The following FRAS1 variants were observed in gnomAD, a reference collection of about 807,000 sequenced individuals.
The protein encoded by FRAS1 is extracellular matrix organizing protein FRAS1.
FRAS1 carries 290 observed loss-of-function variants against 435.2 expected under a neutral mutation model. That is an observed-to-expected ratio of 0.67 (90% CI 0.61 to 0.73). FRAS1 has a LOEUF of 0.73. Among genes scored for constraint, FRAS1 ranks in the 30% least tolerant of loss-of-function variants. The pLI, the probability that FRAS1 is intolerant of heterozygous loss-of-function variation, is 0.00. For missense variants in FRAS1, 4,860 were observed against 5,001.5 expected, an observed-to-expected ratio of 0.97 and a Z score of 0.85; for synonymous variants, 1,800 against 1,851.0, an observed-to-expected ratio of 0.97 and a Z score of 0.71.
chr4:78,063,164 A>G (rs1192977664), intron 1 of FRAS1, among the ~76,000 whole-genome samples: 6 of 152,178 alleles, frequency 3.9e-5, no homozygotes, highest in Non-Finnish European at 5.9e-5. Flanking sequence ...TGTTTTCCAT[A>G]TTATGTGAAC....
chr4:78,101,523 G>A (rs9307335), intron 2 of FRAS1, among the ~76,000 whole-genome samples: 32,977 of 151,798 alleles, frequency 0.22, 3,939 homozygotes, highest in Admixed American at 0.29. Flanking sequence ...AAGTGAGAGT[G>A]TATTTTTTTT....
intron 2 of FRAS1, among the ~76,000 whole-genome samples, chr4:78,184,670 C>T (rs1217940431): frequency 1.3e-5 from 2 of 152,164 alleles, no homozygotes; most frequent in Non-Finnish European, 1.5e-5. Flanking sequence ...ACAGGGAAGT[C>T]AGGAAGGGAT....
At chr4:78,179,798 G>A (rs1311354969) in intron 2 of FRAS1, among the ~76,000 whole-genome samples, 3 of 152,152 alleles carry the variant, frequency 2.0e-5, no homozygotes, top group Admixed American at 1.3e-4. Context: ...ACTGACATAG[G>A]AGCTACCCAG....
Position 78,541,013 on chromosome 4 carries a change from C to G in FRAS1, c.11928C>G (p.Val3976=), listed in dbSNP as rs944916980. The change falls in exon 74 of 74, where the codon GTC becomes GTG. Residue 3976 remains valine, a synonymous_variant. Coordinates refer to ENST00000512123, the MANE Select transcript of FRAS1 (RefSeq NM_025074.7). ...GACACTACTGCACTGTGCGGAACGT[C>G]AACATCCTGAGTGAGCCTGAGGCGG... ...VNRHYCTVRN[V]NILSEPEAAY... is the part of the protein sequence containing the mutation. 1 of 1,546,236 alleles carries G rather than the reference C, an allele frequency of 6.5e-7. No individual in the cohort carries two copies. Among genetic ancestry groups the G allele is most frequent in the South Asian group, 1.2e-5 (1 of 80,138 alleles).
At chr4:78,385,242 A>G (rs1732176083) in intron 28 of FRAS1, among the ~76,000 whole-genome samples, 1 of 152,238 alleles carries the variant, frequency 6.6e-6, no homozygotes. Flanking sequence ...GAATAGGGAA[A>G]TAGGTATATT....
chr4:78,508,649 G>C, intron 62 of FRAS1, 82 bp from the exon 63 acceptor site: 1 of 1,393,576 alleles, frequency 7.2e-7, no homozygotes, highest in South Asian at 1.3e-5. Flanking sequence ...AAGAGATCTT[G>C]TGGATCTCTA....
At chr4:78,531,637 C>G (rs1466747967) in intron 70 of FRAS1, among the ~76,000 whole-genome samples, 2 of 152,146 alleles carry the variant, frequency 1.3e-5, no homozygotes, top group African/African-American at 4.8e-5. Context: ...CTGTTGTCAC[C>G]TTCACCTGGT....
At chr4:78,295,244 A>G (rs1214646603) in intron 14 of FRAS1, among the ~76,000 whole-genome samples, 1 of 152,172 alleles carries the variant, frequency 6.6e-6, no homozygotes, top group Non-Finnish European at 1.5e-5. Context: ...ATATTTTTGA[A>G]TCAATTTTTA....
Position 78,472,305 on chromosome 4 carries a change from C to A in FRAS1, c.7497C>A (p.Gly2499=), listed in dbSNP as rs762228630. 6.2e-7 allele frequency: 1 copy of A among 1,608,490 alleles called. No homozygotes were observed. The highest frequency in any genetic ancestry group is 8.5e-7 in the Non-Finnish European group (1 of 1,176,302). Reference sequence around the variant, plus strand: ...TTGTGGAGAACAAGCTGCAGCCTGGCAGAGCTGCTGCCACTTTCACCCAGG... The same window carrying A: ...TTGTGGAGAACAAGCTGCAGCCTGGAAGAGCTGCTGCCACTTTCACCCAGG... ...HGFVENKLQP[G]RAAATFTQED... is the part of the protein sequence containing the mutation. Residue 2499 remains glycine (G), a synonymous_variant, in exon 52 of 74, where the codon GGC becomes GGA. Coordinates refer to ENST00000512123, the MANE Select transcript of FRAS1 (RefSeq NM_025074.7).
chr4:78,110,155 C>G (rs1343754854), intron 2 of FRAS1, among the ~76,000 whole-genome samples: 3 of 19,470 alleles, frequency 1.5e-4, no homozygotes. Flanking sequence ...GAATCAATAT[C>G]GTGAAAATGG....
Position 78,473,547 on chromosome 4 carries a change from C to T in FRAS1, c.7632C>T (p.Ser2544=), listed in dbSNP as rs886043689. The change falls in exon 53 of 74, where the codon AGC becomes AGT. Residue 2544 remains serine, a synonymous_variant. Coordinates refer to ENST00000512123, the MANE Select transcript of FRAS1 (RefSeq NM_025074.7). ...LVKDSKPNVV[S]DNVFHIQWSL... is the part of the protein sequence containing the mutation. ...AAGACAGTAAACCCAATGTGGTCAG[C>T]GACAATGTCTTCCATATCCAGTGGT... The T allele has an allele frequency of 7.4e-6, 12 of 1,611,740 alleles. No homozygotes were observed. Among genetic ancestry groups the T allele is most frequent in the South Asian group, 2.2e-5 (2 of 90,680 alleles).
chr4:78,113,139 C>T (rs1342103250), intron 2 of FRAS1, among the ~76,000 whole-genome samples: 1 of 152,132 alleles, frequency 6.6e-6, no homozygotes, highest in African/African-American at 2.4e-5. Flanking sequence ...CATCCATGTC[C>T]CTACAAAGGA....
chr4:78,131,189 T>C (rs1271354864), intron 2 of FRAS1, among the ~76,000 whole-genome samples: 1 of 152,218 alleles, frequency 6.6e-6, no homozygotes, highest in African/African-American at 2.4e-5. Context: ...TTCTGAGAGA[T>C]ATATACACAC....
Position 78,116,322 on chromosome 4 carries a change from G to C in FRAS1, c.108+50306G>C, listed in dbSNP as rs544715838. 2.6e-5 allele frequency among the ~76,000 whole-genome samples: 4 copies of C among 152,326 alleles called. No homozygotes were observed. In the South Asian group the frequency reaches 8.3e-4, roughly 32 times the overall value. On this transcript the variant is annotated intron_variant, in intron 2 of 73. Coordinates refer to ENST00000512123, the MANE Select transcript of FRAS1 (RefSeq NM_025074.7). ...GTGTATTCTGTTGATTTGGGGTGGA[G>C]AGTTCTGCAGATGTCTATTAGGTTG...
chr4:78,419,553 A>T (rs1197010535), intron 33 of FRAS1, among the ~76,000 whole-genome samples: 4 of 152,214 alleles, frequency 2.6e-5, no homozygotes, highest in Non-Finnish European at 5.9e-5. Flanking sequence ...GGAACATGAG[A>T]ATGTAGAACT....
intron 31 of FRAS1, among the ~76,000 whole-genome samples, chr4:78,408,570 C>T (rs996921889): frequency 3.3e-5 from 5 of 152,168 alleles, no homozygotes; most frequent in Admixed American, 1.3e-4. Flanking sequence ...TATAGCCAAA[C>T]TCAACATGTT....
intron 61 of FRAS1, among the ~76,000 whole-genome samples, chr4:78,501,380 G>T (rs1475223430): frequency 6.6e-6 from 1 of 152,128 alleles, no homozygotes; most frequent in Non-Finnish European, 1.5e-5. Flanking sequence ...CGGCCATTTG[G>T]GTTGGTTCCA....
At chr4:78,377,404 G>A (rs1424005581) in intron 26 of FRAS1, among the ~76,000 whole-genome samples, 1 of 152,150 alleles carries the variant, frequency 6.6e-6, no homozygotes, top group Non-Finnish European at 1.5e-5. Flanking sequence ...ACTCTCATTA[G>A]AGCGATCTTA....
chr4:78,075,128 G>A (rs1421684547), intron 2 of FRAS1, among the ~76,000 whole-genome samples: 2 of 152,152 alleles, frequency 1.3e-5, no homozygotes, highest in Non-Finnish European at 2.9e-5. Context: ...ACCATCCTGG[G>A]GATAAGAAAG....
Sources: gnomAD v4.1 joint callset for allele counts (sites outside exome capture counted in the v4.1 genomes callset) on GRCh38, gnomAD v4.1.1 for gene constraint, MANE v1.5 for transcripts, NCBI Gene and HGNC (gene_info 2026-07-23, HGNC 2026-07-21) for gene names.